Variants in DOK6 observed in about 807,000 individuals in gnomAD.
The protein encoded by DOK6 is docking protein 6, also known as downstream of tyrosine kinase 6.
Under a neutral mutation model 44.0 loss-of-function variants are expected in DOK6, and 22 were observed. The observed-to-expected ratio is 0.50, with a 90% CI of 0.36 to 0.71. The LOEUF (loss-of-function observed/expected upper bound fraction) is 0.71, where lower values mean the gene tolerates loss of function less well. Ranked by LOEUF, DOK6 falls within the 30% of genes least tolerant of loss-of-function variation. DOK6 has a pLI of 0.00. For missense variants in DOK6, 340 were observed against 416.4 expected (o/e 0.82, Z 1.60); for synonymous variants, 166 against 145.5 (o/e 1.14, Z -1.01).
At chr18:69,663,109 C>T (rs1985571152) in intron 3 of DOK6, 1 of 152,192 alleles carries the variant, frequency 6.6e-6, no homozygotes, top group East Asian at 1.9e-4. Flanking sequence ...AATGTGTCAA[C>T]CTTAGGGATA....
chr18:69,542,227 TAAC>T (rs527801832), intron 1 of DOK6, among the ~76,000 whole-genome samples: 1,577 of 151,670 alleles, frequency 0.01, 34 homozygotes, highest in African/African-American at 0.036. Context: ...TTAGCAAACT[TAAC>T]AATAATTTAG....
chr18:69,619,861 GTA>G (rs1267647203), intron 3 of DOK6, among the ~76,000 whole-genome samples: 9 of 152,174 alleles, frequency 5.9e-5, no homozygotes, highest in Non-Finnish European at 1.2e-4. Flanking sequence ...ATACACACAA[GTA>G]TATATGTTTG....
intron 3 of DOK6, among the ~76,000 whole-genome samples, chr18:69,669,117 T>C (rs1985732436): frequency 6.6e-6 from 1 of 152,230 alleles, no homozygotes; most frequent in African/African-American, 2.4e-5. Flanking sequence ...CTTTTATTCT[T>C]TTCCCTTCAA....
At chr18:69,463,167 C>T (rs754747056) in intron 1 of DOK6, among the ~76,000 whole-genome samples, 16 of 152,188 alleles carry the variant, frequency 1.1e-4, no homozygotes, top group Non-Finnish European at 2.1e-4. Flanking sequence ...GCTGTGTCCT[C>T]GCCATGGTGG....
At chr18:69,806,415 T>G (rs771400941) in intron 7 of DOK6, among the ~76,000 whole-genome samples, 4 of 151,808 alleles carry the variant, frequency 2.6e-5, no homozygotes, top group Non-Finnish European at 4.4e-5. Context: ...TCAATGCAAA[T>G]GTATTTTAGA....
chr18:69,730,725 C>G (rs1978372655), intron 5 of DOK6, among the ~76,000 whole-genome samples: 1 of 152,102 alleles, frequency 6.6e-6, no homozygotes, highest in African/African-American at 2.4e-5. Context: ...TAGGTGATTG[C>G]ATTTGAAATT....
intron 7 of DOK6, among the ~76,000 whole-genome samples, chr18:69,776,081 T>A (rs1024466110): frequency 1.3e-5 from 2 of 151,876 alleles, no homozygotes; most frequent in Non-Finnish European, 2.9e-5. Context: ...ACCAAAAAAA[T>A]TGAAAACATG....
rs982140432 is a variant in DOK6, at chr18:69,723,405, C to A, written c.600-15560C>A. Among the ~76,000 whole-genome samples the A allele has an allele frequency of 4.0e-4, 61 of 152,194 alleles. 2 individuals carry two copies. ...ACAGGCAGATTTCCTCCATGGAAAG[C>A]TGCCACTTTACCAGGGGAAGCAGTT... On this transcript the variant is annotated intron_variant, in intron 5 of 7. Transcript: ENST00000382713.
intron 2 of DOK6, among the ~76,000 whole-genome samples, chr18:69,592,645 T>C (rs1196248598): frequency 6.6e-6 from 1 of 152,174 alleles, no homozygotes; most frequent in Non-Finnish European, 1.5e-5. Flanking sequence ...TATTTTCAAG[T>C]AATTTTTCCT....
At chr18:69,498,095 G>C (rs1980944470) in intron 1 of DOK6, among the ~76,000 whole-genome samples, 1 of 151,962 alleles carries the variant, frequency 6.6e-6, no homozygotes, top group Non-Finnish European at 1.5e-5. Context: ...ATGAATACTT[G>C]TGTGACTCTT....
At chr18:69,512,748 CATT>C (rs903286775) in intron 1 of DOK6, among the ~76,000 whole-genome samples, 11 of 152,232 alleles carry the variant, frequency 7.2e-5, no homozygotes, top group African/African-American at 2.4e-4. Context: ...GCATGGATAT[CATT>C]GTTGATAAAT....
chr18:69,631,164 C>A (rs1389587591), intron 3 of DOK6, among the ~76,000 whole-genome samples: 1 of 151,950 alleles, frequency 6.6e-6, no homozygotes, highest in Admixed American at 6.6e-5. Context: ...AGTATTCCTC[C>A]CGGATCAAAC....
At chr18:69,460,543 A>G (rs1187438931) in intron 1 of DOK6, among the ~76,000 whole-genome samples, 2 of 152,182 alleles carry the variant, frequency 1.3e-5, no homozygotes, top group African/African-American at 4.8e-5. Flanking sequence ...TGAATATATT[A>G]ATGTTTCCGT....
chr18:69,643,791 G>A (rs1985002481), intron 3 of DOK6: 1 of 152,070 alleles, frequency 6.6e-6, no homozygotes. Context: ...GATTCTTAAG[G>A]TAAAAGCTCA....
At position 69,809,024 on chromosome 18, in the gene DOK6, T is replaced by C. The variant is rs1981137329; in HGVS notation, c.857-32220T>C. 2.6e-5 allele frequency among the ~76,000 whole-genome samples: 4 copies of C among 151,802 alleles called. No homozygotes were observed. In the South Asian group the frequency reaches 6.2e-4, roughly 24 times the overall value. On this transcript the variant is annotated intron_variant, in intron 7 of 7. Transcript: ENST00000382713. ...AGCCCTTATCTTTGATAAACATAGA[T>C]ACAAAAATCCTCAACAGAAAACTAG...
At chr18:69,651,477 C>G (rs144361691) in intron 3 of DOK6, among the ~76,000 whole-genome samples, 7 of 149,456 alleles carry the variant, frequency 4.7e-5, no homozygotes, top group Admixed American at 3.4e-4. Flanking sequence ...ATCAGCCCCC[C>G]GCTCCTTTTT....
intron 7 of DOK6, among the ~76,000 whole-genome samples, chr18:69,835,184 C>T (rs1270028115): frequency 2.6e-5 from 4 of 152,228 alleles, no homozygotes; most frequent in Admixed American, 6.5e-5. Flanking sequence ...GCTTCTGGGC[C>T]GGGCGCGGTG....
intron 1 of DOK6, among the ~76,000 whole-genome samples, chr18:69,530,039 C>A (rs531262942): frequency 6.6e-6 from 1 of 152,072 alleles, no homozygotes; most frequent in Non-Finnish European, 1.5e-5. Context: ...GTTTTGAGGA[C>A]AAACGAGTTT....
rs538481944 is a variant in DOK6, at chr18:69,780,787, G to A, written c.856+22914G>A. Among the ~76,000 whole-genome samples, 6 of 152,300 alleles carry A rather than the reference G, an allele frequency of 3.9e-5. No individual in the cohort carries two copies. The South Asian group carries it at 1.2e-3, about 32-fold the overall frequency. ...TGGTATTGGCAAGTTACAAAACTGAGCTGAGATTTTAAGTGAAAATCATGT... is the reference window on the plus strand; with the variant it reads ...TGGTATTGGCAAGTTACAAAACTGAACTGAGATTTTAAGTGAAAATCATGT... On this transcript the variant is annotated intron_variant, in intron 7 of 7. Transcript: ENST00000382713.
Sources: gnomAD v4.1 joint callset for allele counts (sites outside exome capture counted in the v4.1 genomes callset) on GRCh38, gnomAD v4.1.1 for gene constraint, MANE v1.5 for transcripts, NCBI Gene and HGNC (gene_info 2026-07-23, HGNC 2026-07-21) for gene names.